Variants in CLSTN2 observed in about 807,000 individuals in gnomAD.
The protein encoded by CLSTN2 is calsyntenin-2.
Under a neutral mutation model 101.2 loss-of-function variants are expected in CLSTN2, and 48 were observed. The observed-to-expected ratio is 0.47, with a 90% CI of 0.38 to 0.60. CLSTN2 has a LOEUF of 0.60. Ranked by LOEUF, CLSTN2 falls within the 20% of genes least tolerant of loss-of-function variation. The probability of loss-of-function intolerance (pLI) is 0.00; values close to 1 mark genes in which losing one functional copy is unlikely to be tolerated. For synonymous variants in CLSTN2, 481 were observed against 463.6 expected (o/e 1.04, Z -0.48); for missense variants, 1,160 against 1,238.2 (o/e 0.94, Z 0.95).
chr3:140,140,966 A>G (rs1185523773), intron 1 of CLSTN2, among the ~76,000 whole-genome samples: 1 of 152,222 alleles, frequency 6.6e-6, no homozygotes, highest in Non-Finnish European at 1.5e-5. Flanking sequence ...AATTCTAGTT[A>G]TCTACCACAG....
At chr3:140,142,462 C>A (rs1258036762) in intron 1 of CLSTN2, among the ~76,000 whole-genome samples, 1 of 152,140 alleles carries the variant, frequency 6.6e-6, no homozygotes, top group African/African-American at 2.4e-5. Context: ...TTGTCCATGG[C>A]AAATGCTGAG....
At position 140,516,728 on chromosome 3, in the gene CLSTN2, G is replaced by T. The variant is rs903347813; in HGVS notation, c.1345-15596G>T. ...TGAGAAATCTGCTGTTAATTTGACAGGTTACCTGATGCTTTTGCCTCGCAG... is the reference window on the plus strand; with the variant it reads ...TGAGAAATCTGCTGTTAATTTGACATGTTACCTGATGCTTTTGCCTCGCAG... On this transcript the variant is annotated intron_variant, in intron 8 of 16. Coordinates refer to ENST00000458420, the MANE Select transcript of CLSTN2 (RefSeq NM_022131.3). Among the ~76,000 whole-genome samples, 65 of 152,226 alleles carry T rather than the reference G, an allele frequency of 4.3e-4. 2 individuals are homozygous for T. The Middle Eastern group carries it at 0.014, about 32-fold the overall frequency.
At chr3:140,521,524 C>T (rs925726961) in intron 8 of CLSTN2, among the ~76,000 whole-genome samples, 2 of 152,272 alleles carry the variant, frequency 1.3e-5, no homozygotes, top group East Asian at 1.9e-4. Flanking sequence ...GTTTAGTGAC[C>T]TGTTGTCAGC....
At chr3:140,565,328 C>T (rs1231462925) in intron 16 of CLSTN2, among the ~76,000 whole-genome samples, 2 of 152,124 alleles carry the variant, frequency 1.3e-5, no homozygotes, top group African/African-American at 2.4e-5. Context: ...AAGACAATTC[C>T]TAAGAAGTGT....
intron 4 of CLSTN2, among the ~76,000 whole-genome samples, chr3:140,418,533 T>C (rs138471523): frequency 1.4e-5 from 2 of 145,318 alleles, no homozygotes; most frequent in Admixed American, 6.9e-5. Flanking sequence ...TTTTTTTTTT[T>C]CTGAGACGGA....
At chr3:140,361,212 A>G (rs1206106811) in intron 2 of CLSTN2, among the ~76,000 whole-genome samples, 1 of 152,208 alleles carries the variant, frequency 6.6e-6, no homozygotes. Flanking sequence ...CCGATAATCA[A>G]TGTAATACAC....
chr3:140,308,993 T>C (rs925180674), intron 2 of CLSTN2, among the ~76,000 whole-genome samples: 1 of 152,238 alleles, frequency 6.6e-6, no homozygotes, highest in African/African-American at 2.4e-5. Flanking sequence ...GTGTAATCTT[T>C]AAGCCATGGT....
rs557813115 is a variant in CLSTN2, at chr3:140,278,370, G to T, written c.232+102297G>T. 2.0e-4 allele frequency among the ~76,000 whole-genome samples: 30 copies of T among 152,230 alleles called. No individual in the cohort carries two copies. In the South Asian group the frequency reaches 5.6e-3, roughly 28 times the overall value. On this transcript the variant is annotated intron_variant, in intron 2 of 16. Coordinates refer to ENST00000458420, the MANE Select transcript of CLSTN2 (RefSeq NM_022131.3). Reference sequence around the variant, plus strand: ...CAGGGCTCAACACTTGAGCGAGCGGGTCCCCACTACTCTTTACAGCTTCTC... The same window carrying T: ...CAGGGCTCAACACTTGAGCGAGCGGTTCCCCACTACTCTTTACAGCTTCTC...
Position 139,957,491 on chromosome 3 carries a change from C to CT in CLSTN2, c.109+22021dup, listed in dbSNP as rs71627872. Reference sequence around the variant, plus strand: ...TCAAATAGAGTTTATGTAATCTTTACTTTTTTTTTTTTTATCTGAGAAGCC... The same window carrying CT: ...TCAAATAGAGTTTATGTAATCTTTACTTTTTTTTTTTTTTATCTGAGAAGCC... On this transcript the variant is annotated intron_variant, in intron 1 of 16. Transcript: ENST00000458420. 4.6e-3 allele frequency among the ~76,000 whole-genome samples: 665 copies of CT among 145,452 alleles called. 2 individuals are homozygous for CT. Among genetic ancestry groups the CT allele is most frequent in the African/African-American group, 9.3e-3 (372 of 39,970 alleles).
intron 1 of CLSTN2, among the ~76,000 whole-genome samples, chr3:140,121,215 G>A (rs1379296369): frequency 6.6e-6 from 1 of 152,164 alleles, no homozygotes; most frequent in East Asian, 1.9e-4. Context: ...GGGTTCTTGA[G>A]AGGACTGTGG....
chr3:140,448,466 C>T, intron 5 of CLSTN2, 53 bp from the exon 6 acceptor site: 1 of 1,437,174 alleles, frequency 7.0e-7, no homozygotes, highest in Non-Finnish European at 9.7e-7. Context: ...AGAAATGTTC[C>T]AGCAGAACTG....
At chr3:140,378,791 C>T (rs2087947394) in intron 2 of CLSTN2, among the ~76,000 whole-genome samples, 1 of 152,170 alleles carries the variant, frequency 6.6e-6, no homozygotes. Flanking sequence ...ATTTACTTTT[C>T]TCTAAAATGT....
chr3:140,402,029 G>A (rs2088248200), intron 2 of CLSTN2, among the ~76,000 whole-genome samples: 1 of 152,138 alleles, frequency 6.6e-6, no homozygotes, highest in East Asian at 1.9e-4. Context: ...GGGTGGCGGC[G>A]GGGGAGTGGG....
chr3:140,262,331 C>T (rs2086660601), intron 2 of CLSTN2, among the ~76,000 whole-genome samples: 1 of 152,190 alleles, frequency 6.6e-6, no homozygotes, highest in Non-Finnish European at 1.5e-5. Context: ...GTCAGCATGG[C>T]TTTCAATGGC....
chr3:140,310,140 T>A (rs2087151664), intron 2 of CLSTN2, among the ~76,000 whole-genome samples: 1 of 151,980 alleles, frequency 6.6e-6, no homozygotes, highest in Admixed American at 6.6e-5. Context: ...TCTAAACACA[T>A]CCCCCGGGTT....
At position 140,412,407 on chromosome 3, in the gene CLSTN2, T is replaced by C. The variant is rs901630588; in HGVS notation, c.637+7641T>C. The stretch of plus-strand genomic sequence containing the variant: ...TGAAAGGTAGTCACTGTGGCATATC[T>C]GAACAGTCCATGCAGAGTATGAGGG... On this transcript the variant is annotated intron_variant, in intron 4 of 16. Transcript: ENST00000458420. Among the ~76,000 whole-genome samples, 9 of 152,204 alleles carry C rather than the reference T, an allele frequency of 5.9e-5. No individual in the cohort carries two copies. In the East Asian group the frequency reaches 1.7e-3, roughly 29 times the overall value.
At chr3:140,168,942 G>C (rs2010173611) in intron 1 of CLSTN2, among the ~76,000 whole-genome samples, 1 of 151,884 alleles carries the variant, frequency 6.6e-6, no homozygotes, top group African/African-American at 2.4e-5. Context: ...CTTCAACTTT[G>C]TTCTTTTTTC....
intron 1 of CLSTN2, among the ~76,000 whole-genome samples, chr3:140,141,764 A>G (rs1229421792): frequency 6.6e-6 from 1 of 152,130 alleles, no homozygotes; most frequent in Non-Finnish European, 1.5e-5. Context: ...TGCATAGTGG[A>G]TGGGGCTGGT....
chr3:140,504,035 G>A (rs1934635566), intron 8 of CLSTN2, among the ~76,000 whole-genome samples: 1 of 152,128 alleles, frequency 6.6e-6, no homozygotes, highest in Admixed American at 6.5e-5. Flanking sequence ...TCAGGCATAA[G>A]AATCAATGCC....
Sources: gnomAD v4.1 joint callset for allele counts (sites outside exome capture counted in the v4.1 genomes callset) on GRCh38, gnomAD v4.1.1 for gene constraint, MANE v1.5 for transcripts, NCBI Gene and HGNC (gene_info 2026-07-23, HGNC 2026-07-21) for gene names.